The following SUCLG2 variants were observed in gnomAD, a reference collection of about 807,000 sequenced individuals.
The protein encoded by SUCLG2 is succinate-CoA ligase GDP-forming subunit beta.
SUCLG2 carries 42 observed loss-of-function variants against 47.9 expected under a neutral mutation model. That is an observed-to-expected ratio of 0.88 (90% CI 0.69 to 1.14). The LOEUF (loss-of-function observed/expected upper bound fraction) is 1.14, where lower values mean the gene tolerates loss of function less well. Among genes scored for constraint, SUCLG2 ranks in the 50% most tolerant of loss-of-function variants. The probability of loss-of-function intolerance (pLI) is 0.00; values close to 1 mark genes in which losing one functional copy is unlikely to be tolerated. For synonymous variants in SUCLG2, 195 were observed against 197.3 expected (o/e 0.99, Z 0.10); for missense variants, 571 against 525.9 (o/e 1.09, Z -0.84).
intron 9 of SUCLG2, among the ~76,000 whole-genome samples, chr3:67,471,860 T>C (rs553432150): frequency 2.8e-4 from 43 of 152,292 alleles, no homozygotes; most frequent in African/African-American, 9.6e-4. Context: ...CTCCTCATCC[T>C]TGTAGTAGTT....
At position 67,629,060 on chromosome 3, in the gene SUCLG2, T is replaced by C. The variant is rs114535793; in HGVS notation, c.85-19464A>G. Among the ~76,000 whole-genome samples, 553 of 152,312 alleles carry C rather than the reference T, an allele frequency of 3.6e-3. 5 individuals are homozygous for C. Among genetic ancestry groups the C allele is most frequent in the African/African-American group, 0.013 (522 of 41,574 alleles). On this transcript the variant is annotated intron_variant, in intron 1 of 10. Coordinates refer to ENST00000307227, the MANE Select transcript of SUCLG2 (RefSeq NM_003848.4). Reference sequence around the variant, plus strand: ...TCTCTGAAACCTGCAGCATAATCTGTTCGGTACGCTTTGGTGTAAGAACGT... The same window carrying C: ...TCTCTGAAACCTGCAGCATAATCTGCTCGGTACGCTTTGGTGTAAGAACGT...
At chr3:67,433,688 A>G (rs1008749327) in intron 9 of SUCLG2, among the ~76,000 whole-genome samples, 2 of 152,202 alleles carry the variant, frequency 1.3e-5, no homozygotes, top group African/African-American at 4.8e-5. Flanking sequence ...CCAGAGGGAT[A>G]GAGAGTTCCT....
intron 10 of SUCLG2, among the ~76,000 whole-genome samples, chr3:67,383,781 C>A (rs1345577847): frequency 6.6e-6 from 1 of 152,044 alleles, no homozygotes; most frequent in East Asian, 1.9e-4. Flanking sequence ...AGATACTAAA[C>A]CAAAGTTAAA....
intron 7 of SUCLG2, 82 bp downstream of exon 7, chr3:67,508,725 C>T: frequency 9.6e-7 from 1 of 1,045,476 alleles, no homozygotes; most frequent in Non-Finnish European, 1.4e-6. Flanking sequence ...AAAGCTGCTG[C>T]TACAGTCTTT....
intron 2 of SUCLG2, among the ~76,000 whole-genome samples, chr3:67,585,409 C>T (rs1448019488): frequency 6.6e-6 from 1 of 152,164 alleles, no homozygotes; most frequent in Non-Finnish European, 1.5e-5. Flanking sequence ...CTCTCTGCTC[C>T]CTTTGTGCTC....
In SUCLG2 at chr3:67,374,724, G is replaced by A; in HGVS notation, c.*1020C>T. 1.1e-6 allele frequency: 1 copy of A among 883,816 alleles called. No individual in the cohort carries two copies. The highest frequency in any genetic ancestry group is 1.4e-6 in the Non-Finnish European group (1 of 737,956). 54.7% of individuals were successfully genotyped at this position (883,816 alleles called of 1,614,324 possible). A position where few individuals can be genotyped will look rare whatever the true frequency, so the allele number is the denominator to read the frequency against. The stretch of plus-strand genomic sequence containing the variant: ...ATGAGAGATACACACAGATCTTACA[G>A]CTTACAAAACATAATTTTATTTAAA... On this transcript the variant is annotated 3_prime_UTR_variant, in exon 11 of 11. Coordinates refer to ENST00000307227, the MANE Select transcript of SUCLG2 (RefSeq NM_003848.4).
At chr3:67,373,618 A>G (rs571165768), downstream of SUCLG2, among the ~76,000 whole-genome samples, 28 of 152,278 alleles carry the variant, frequency 1.8e-4, no homozygotes, top group Admixed American at 1.7e-3. Flanking sequence ...ATTCAGGAAT[A>G]GGTTACTGAC....
rs547122930 is a variant in SUCLG2, at chr3:67,403,189, T to C, written c.1063-2338A>G. Among the ~76,000 whole-genome samples, 22 of 152,376 alleles carry C rather than the reference T, an allele frequency of 1.4e-4. No individual in the cohort carries two copies. In the East Asian group the frequency reaches 3.3e-3, roughly 23 times the overall value. ...GAACCCCAGGAAAAGCCTTCTTTTC[T>C]AACTGCAGAGGGATAACTGGTTTTG... On this transcript the variant is annotated intron_variant, in intron 9 of 10. Transcript: ENST00000307227.
chr3:67,636,300 A>G lies in SUCLG2; in HGVS notation c.84+18203T>C, dbSNP rs75483149. Among the ~76,000 whole-genome samples, 1,018 of 152,284 alleles carry G rather than the reference A, an allele frequency of 6.7e-3. 12 individuals are homozygous for G. The highest frequency in any genetic ancestry group is 0.023 in the African/African-American group (965 of 41,564). ...GTATGGTAATAGAAAGGGTCTAGAA[A>G]AGGAGAAGATTCTCATTCAAAGAGG... On this transcript the variant is annotated intron_variant, in intron 1 of 10. Transcript: ENST00000307227.
chr3:67,624,860 G>T (rs1462557443), intron 1 of SUCLG2, among the ~76,000 whole-genome samples: 1 of 152,200 alleles, frequency 6.6e-6, no homozygotes, highest in South Asian at 2.1e-4. Flanking sequence ...ACACTGTCCA[G>T]GAAATGTGTG....
chr3:67,384,051 T>C (rs140150829), intron 10 of SUCLG2, among the ~76,000 whole-genome samples: 4 of 152,324 alleles, frequency 2.6e-5, no homozygotes, highest in East Asian at 3.9e-4. Flanking sequence ...TGTGAGACTT[T>C]TGTCGAAAAT....
In SUCLG2 at chr3:67,486,027, C is replaced by T. The variant is rs1705040522; in HGVS notation, c.1062+9771G>A. On this transcript the variant is annotated intron_variant, in intron 9 of 10. Coordinates refer to ENST00000307227, the MANE Select transcript of SUCLG2 (RefSeq NM_003848.4). Reference sequence around the variant, plus strand: ...GTGGCTCATGTCTGTAATCCCAGCACTTTGGGAGGCTAAGAGGCAGATCGC... The same window carrying T: ...GTGGCTCATGTCTGTAATCCCAGCATTTTGGGAGGCTAAGAGGCAGATCGC... Among the ~76,000 whole-genome samples, 5 of 152,294 alleles carry T rather than the reference C, an allele frequency of 3.3e-5. No homozygotes were observed. The South Asian group carries it at 1.0e-3, about 32-fold the overall frequency.
At chr3:67,516,958 G>A (rs1012442774) in intron 6 of SUCLG2, among the ~76,000 whole-genome samples, 3 of 152,142 alleles carry the variant, frequency 2.0e-5, no homozygotes, top group Non-Finnish European at 4.4e-5. Context: ...ATTCTCAGGA[G>A]GTGAAACCAA....
At chr3:67,386,135 C>A (rs1189574416) in intron 10 of SUCLG2, among the ~76,000 whole-genome samples, 2 of 152,180 alleles carry the variant, frequency 1.3e-5, no homozygotes, top group African/African-American at 4.8e-5. Context: ...GTCACCCAGA[C>A]TGGAGTGCAG....
chr3:67,459,892 G>T (rs1471348333), intron 9 of SUCLG2, among the ~76,000 whole-genome samples: 2 of 152,126 alleles, frequency 1.3e-5, no homozygotes, highest in African/African-American at 4.8e-5. Flanking sequence ...TGGAGCCCCT[G>T]CCATTGTAAA....
intron 10 of SUCLG2, among the ~76,000 whole-genome samples, chr3:67,380,647 A>G (rs13064490): frequency 0.62 from 93,785 of 151,558 alleles, 29,141 homozygotes; most frequent in South Asian, 0.68. Context: ...CAGAGCCATC[A>G]TGACCAGGTA....
At chr3:67,547,906 C>T (rs1026701269) in intron 2 of SUCLG2, among the ~76,000 whole-genome samples, 14 of 152,138 alleles carry the variant, frequency 9.2e-5, no homozygotes, top group Non-Finnish European at 2.9e-5. Context: ...ACCCCTTACA[C>T]CGCCTCCAGT....
chr3:67,639,368 C>T (rs1701060202), intron 1 of SUCLG2, among the ~76,000 whole-genome samples: 2 of 151,888 alleles, frequency 1.3e-5, no homozygotes, highest in Admixed American at 6.6e-5. Context: ...GATGAGGCAC[C>T]GAAGTGTTAA....
chr3:67,569,768 T>G (rs1339406212), intron 2 of SUCLG2, among the ~76,000 whole-genome samples: 1 of 152,160 alleles, frequency 6.6e-6, no homozygotes, highest in Non-Finnish European at 1.5e-5. Flanking sequence ...CATGGCTGAT[T>G]TAGATGAGAT....
Sources: gnomAD v4.1 joint callset for allele counts (sites outside exome capture counted in the v4.1 genomes callset) on GRCh38, gnomAD v4.1.1 for gene constraint, MANE v1.5 for transcripts, NCBI Gene and HGNC (gene_info 2026-07-23, HGNC 2026-07-21) for gene names.